Variants in MAPK14 observed in about 807,000 individuals in gnomAD.
The protein encoded by MAPK14 is mitogen-activated protein kinase 14, also known as CSAID-binding protein.
In MAPK14, 16 loss-of-function variants were observed where a neutral mutation model predicts 49.6. The observed-to-expected ratio is 0.32, with a 90% CI of 0.22 to 0.49. The LOEUF is 0.49. Among genes scored for constraint, MAPK14 ranks in the 20% least tolerant of loss-of-function variants. MAPK14 has a pLI of 0.99. For synonymous variants in MAPK14, 142 were observed against 158.0 expected, an observed-to-expected ratio of 0.90 and a Z score of 0.76; for missense variants, 200 against 441.2, an observed-to-expected ratio of 0.45 and a Z score of 4.90.
chr6:36,044,662 G>A (rs1177137139), intron 1 of MAPK14, among the ~76,000 whole-genome samples: 1 of 152,052 alleles, frequency 6.6e-6, no homozygotes, highest in African/African-American at 2.4e-5. Flanking sequence ...ATCGCCTGAG[G>A]CCAGGAGTTC....
chr6:36,031,613 C>G (rs1021881928), intron 1 of MAPK14, among the ~76,000 whole-genome samples: 2 of 152,090 alleles, frequency 1.3e-5, no homozygotes, highest in Non-Finnish European at 2.9e-5. Flanking sequence ...CCATGTTGGC[C>G]AGGCTGATCT....
At chr6:36,042,991 G>A (rs1291155114) in intron 1 of MAPK14, among the ~76,000 whole-genome samples, 1 of 151,940 alleles carries the variant, frequency 6.6e-6, no homozygotes, top group African/African-American at 2.4e-5. Context: ...AGGCGTCGTG[G>A]TGTGCCTCAG....
chr6:36,122,793 A>G, the MAPK14 span, among the ~76,000 whole-genome samples: 1 of 152,164 alleles, frequency 6.6e-6, no homozygotes, highest in Admixed American at 6.5e-5. Context: ...GTCCCTGGCT[A>G]TGCAAGTGAC....
At chr6:36,081,742 T>C (rs1764769347) in intron 8 of MAPK14, among the ~76,000 whole-genome samples, 1 of 152,196 alleles carries the variant, frequency 6.6e-6, no homozygotes, top group Non-Finnish European at 1.5e-5. Flanking sequence ...TAATTTCATA[T>C]GAATTTAACA....
At position 36,072,727 on chromosome 6, in the gene MAPK14, T is replaced by C; in HGVS notation, c.306-146T>C. 5.8e-6 allele frequency: 3 copies of C among 514,492 alleles called. No homozygotes were observed. In the South Asian group the frequency reaches 7.0e-5, roughly 12 times the overall value. 31.9% of individuals were successfully genotyped at this position (514,492 alleles called of 1,614,324 possible). On this transcript the variant is annotated intron_variant, in intron 3 of 11. Transcript: ENST00000229794. ...TTGTAGTGAGCTGAGATTGCGCCAC[T>C]GCACTCCAGCCTGGCAGTAGAGCGA...
intron 9 of MAPK14, among the ~76,000 whole-genome samples, chr6:36,098,975 C>T (rs541904307): frequency 2.0e-5 from 3 of 152,194 alleles, no homozygotes; most frequent in Non-Finnish European, 4.4e-5. Context: ...AATTTACTGG[C>T]CTCTGTCTTT....
intron 9 of MAPK14, among the ~76,000 whole-genome samples, chr6:36,099,746 A>C (rs1056791800): frequency 2.0e-5 from 3 of 152,208 alleles, no homozygotes; most frequent in African/African-American, 7.2e-5. Context: ...CCTGTGCCGC[A>C]AAAGTTTAGT....
chr6:36,073,782 AT>A, intron 5 of MAPK14, 62 bp downstream of exon 5: 1 of 1,489,780 alleles, frequency 6.7e-7, no homozygotes. Flanking sequence ...GAAGAATGGC[AT>A]TTAGCCAAGA....
intron 3 of MAPK14, among the ~76,000 whole-genome samples, chr6:36,072,121 G>C (rs1200957847): frequency 6.6e-6 from 1 of 152,112 alleles, no homozygotes; most frequent in Non-Finnish European, 1.5e-5. Context: ...GATCACCTGA[G>C]ACCAAGAGTT....
intron 3 of MAPK14, among the ~76,000 whole-genome samples, chr6:36,071,309 G>C (rs1316980575): frequency 6.6e-6 from 1 of 151,942 alleles, no homozygotes; most frequent in Non-Finnish European, 1.5e-5. Context: ...CTCCAGCCTG[G>C]GCGACAGAGC....
chr6:36,065,047 C>G (rs749626859), intron 3 of MAPK14, among the ~76,000 whole-genome samples: 1 of 152,222 alleles, frequency 6.6e-6, no homozygotes, highest in Non-Finnish European at 1.5e-5. Flanking sequence ...CCCCACATAC[C>G]TACATGACTG....
At chr6:36,074,452 TA>T (rs1412653472) in intron 6 of MAPK14, among the ~76,000 whole-genome samples, 4 of 152,100 alleles carry the variant, frequency 2.6e-5, no homozygotes, top group Non-Finnish European at 5.9e-5. Context: ...ATAATTCAAA[TA>T]AAAAATAAGT....
intron 8 of MAPK14, among the ~76,000 whole-genome samples, chr6:36,091,248 G>GTT (rs397771773): frequency 2.1e-4 from 30 of 144,250 alleles, no homozygotes; most frequent in African/African-American, 7.1e-4. Flanking sequence ...TAGTTTTTTT[G>GTT]TTTTTTTTTT....
chr6:36,096,962 A>G (rs900502754), intron 9 of MAPK14: 2 of 152,264 alleles, frequency 1.3e-5, no homozygotes, highest in African/African-American at 4.8e-5. Context: ...AAAAAGAGCT[A>G]TGGAGCCAAG....
At chr6:36,095,834 C>G (rs999218573) in intron 8 of MAPK14, among the ~76,000 whole-genome samples, 153 bp from the exon 9 acceptor site, 5 of 149,512 alleles carry the variant, frequency 3.3e-5, no homozygotes, top group Non-Finnish European at 4.4e-5. Context: ...CCTGCAGGAG[C>G]CTTGACCTAG....
chr6:36,109,947 A>C lies in MAPK14; in HGVS notation c.*1500A>C, dbSNP rs569754419. On this transcript the variant is annotated 3_prime_UTR_variant, in exon 12 of 12. Transcript: ENST00000229794. Reference sequence around the variant, plus strand: ...TTTGGGGAGAAATAAATTTTGTTTCAGAATTTTGTATATTGTAGGAATCCT... The same window carrying C: ...TTTGGGGAGAAATAAATTTTGTTTCCGAATTTTGTATATTGTAGGAATCCT... The C allele has an allele frequency of 1.4e-4, 21 of 152,728 alleles. No individual in the cohort carries two copies. The East Asian group carries it at 4.0e-3, about 29-fold the overall frequency. 9.5% of individuals were successfully genotyped at this position (152,728 alleles called of 1,614,324 possible). A position where few individuals can be genotyped will look rare whatever the true frequency, so the allele number is the denominator to read the frequency against.
intron 3 of MAPK14, among the ~76,000 whole-genome samples, chr6:36,066,578 A>G (rs954025211): frequency 2.0e-5 from 3 of 152,198 alleles, no homozygotes; most frequent in African/African-American, 7.2e-5. Context: ...GAAGAAACAA[A>G]TAGGGATAGG....
chr6:36,034,808 G>T (rs540863904), intron 1 of MAPK14, among the ~76,000 whole-genome samples: 1 of 151,466 alleles, frequency 6.6e-6, no homozygotes, highest in Non-Finnish European at 1.5e-5. Flanking sequence ...TGTGGTAAGC[G>T]AGTCTTTTGG....
At chr6:36,087,341 A>G (rs1339976087) in intron 8 of MAPK14, among the ~76,000 whole-genome samples, 1 of 152,170 alleles carries the variant, frequency 6.6e-6, no homozygotes. Flanking sequence ...AGAGGAAGTA[A>G]AACTCTGTTT....
Sources: allele counts gnomAD v4.1 joint callset (sites outside exome capture counted in the v4.1 genomes callset), GRCh38; gene constraint gnomAD v4.1.1; transcripts MANE v1.5; gene names NCBI Gene and HGNC (gene_info 2026-07-23, HGNC 2026-07-21).